CNTNAP4: variants seen among roughly 807,000 people sequenced by gnomAD.
The protein encoded by CNTNAP4 is contactin associated protein family member 4.
Under a neutral mutation model 148.4 loss-of-function variants are expected in CNTNAP4, and 98 were observed. The ratio of observed to expected loss-of-function variants is 0.66; its 90% confidence interval spans 0.56 to 0.78. The LOEUF (loss-of-function observed/expected upper bound fraction) is 0.78, where lower values mean the gene tolerates loss of function less well. Ranked by LOEUF, CNTNAP4 falls within the 30% of genes least tolerant of loss-of-function variation. The pLI, the probability that CNTNAP4 is intolerant of heterozygous loss-of-function variation, is 0.00. For synonymous variants in CNTNAP4, 730 were observed against 565.1 expected, an observed-to-expected ratio of 1.29 and a Z score of -4.14; for missense variants, 1,935 against 1,565.6, an observed-to-expected ratio of 1.24 and a Z score of -3.98.
At chr16:76,328,628 T>C (rs1368734477) in intron 2 of CNTNAP4, among the ~76,000 whole-genome samples, 1 of 152,024 alleles carries the variant, frequency 6.6e-6, no homozygotes, top group Non-Finnish European at 1.5e-5. Context: ...TTGTGACAAA[T>C]GTACCATATG....
intron 3 of CNTNAP4, among the ~76,000 whole-genome samples, chr16:76,366,457 A>G (rs2014147009): frequency 6.6e-6 from 1 of 152,210 alleles, no homozygotes; most frequent in Non-Finnish European, 1.5e-5. Flanking sequence ...CAAAACAGAC[A>G]TAATCTCATT....
chr16:76,463,468 T>C (rs2081058507), intron 9 of CNTNAP4, among the ~76,000 whole-genome samples: 1 of 152,200 alleles, frequency 6.6e-6, no homozygotes, highest in African/African-American at 2.4e-5. Flanking sequence ...TGTAATGTAA[T>C]TTTATAGTAA....
At chr16:76,489,549 A>T in intron 12 of CNTNAP4, 137 bp from the exon 13 acceptor site, 1 of 448,242 alleles carries the variant, frequency 2.2e-6, no homozygotes. Flanking sequence ...ATTTGTGTTG[A>T]TTCTACCTCT....
chr16:76,279,653 A>T (rs1958613468), intron 1 of CNTNAP4, among the ~76,000 whole-genome samples: 1 of 152,186 alleles, frequency 6.6e-6, no homozygotes, highest in Admixed American at 6.5e-5. Context: ...ATTATAAAAA[A>T]CATTTAAAGT....
chr16:76,521,062 A>C (rs2083432322), intron 15 of CNTNAP4, 78 bp from the exon 16 acceptor site: 1 of 1,327,514 alleles, frequency 7.5e-7, no homozygotes, highest in African/African-American at 1.5e-5. Context: ...AAAATAGAAC[A>C]TGTAATTGTC....
At chr16:76,419,361 G>C (rs973331801) in intron 3 of CNTNAP4, among the ~76,000 whole-genome samples, 1 of 151,976 alleles carries the variant, frequency 6.6e-6, no homozygotes, top group Non-Finnish European at 1.5e-5. Context: ...AAAACCCTGA[G>C]CATACTTCAC....
chr16:76,362,808 A>G lies in CNTNAP4; in HGVS notation c.390+7297A>G, dbSNP rs1415219044. ...AAACTACCTGTGAGGTACTATGCTT[A>G]TTACCTAGGTCACAAAATAATCTGT... On this transcript the variant is annotated intron_variant, in intron 3 of 23. Transcript: ENST00000611870. Among the ~76,000 whole-genome samples, 6 of 152,190 alleles carry G rather than the reference A, an allele frequency of 3.9e-5. No individual in the cohort carries two copies. The East Asian group carries it at 1.2e-3, about 29-fold the overall frequency.
intron 21 of CNTNAP4, among the ~76,000 whole-genome samples, chr16:76,545,233 G>T (rs979840194): frequency 1.3e-5 from 2 of 152,076 alleles, no homozygotes; most frequent in East Asian, 1.9e-4. Context: ...TCTTCAGTGC[G>T]TAGCATGACT....
In CNTNAP4 at chr16:76,427,447, T is replaced by C. The variant is rs1243566625; in HGVS notation, c.391-5T>C. The C allele has an allele frequency of 6.2e-7, 1 of 1,601,566 alleles. No homozygotes were observed. Among genetic ancestry groups the C allele is most frequent in the African/African-American group, 1.3e-5 (1 of 74,218 alleles). On this transcript the variant is annotated splice_polypyrimidine_tract_variant and splice_region_variant and intron_variant, in intron 3 of 23. Transcript: ENST00000611870. ...ATTGATGTGCTTCTTTCCCTTTTCT[T>C]TTAGGGTTTTTCAGGAAATGCAAAT...
intron 3 of CNTNAP4, among the ~76,000 whole-genome samples, chr16:76,366,902 ATAT>A (rs1290080686): frequency 2.0e-5 from 3 of 152,300 alleles, no homozygotes; most frequent in African/African-American, 7.2e-5. Context: ...GTAAAAGATA[ATAT>A]TATAAAGCTA....
intron 3 of CNTNAP4, among the ~76,000 whole-genome samples, chr16:76,402,464 CTATCT>C (rs149418649): frequency 0.025 from 3,772 of 151,846 alleles, 141 homozygotes; most frequent in African/African-American, 0.087. Context: ...AGCTAGCAAC[CTATCT>C]TATCAATTTT....
At chr16:76,477,324 C>A (rs143925793) in intron 11 of CNTNAP4, among the ~76,000 whole-genome samples, 2 of 152,116 alleles carry the variant, frequency 1.3e-5, no homozygotes, top group Admixed American at 6.5e-5. Context: ...ATTTCCCCCC[C>A]ATTTTTTCCG....
At chr16:76,350,928 G>A (rs777534178) in intron 2 of CNTNAP4, among the ~76,000 whole-genome samples, 6 of 152,100 alleles carry the variant, frequency 3.9e-5, no homozygotes, top group East Asian at 1.9e-4. Context: ...GAAAGAGGAC[G>A]GTGGAACAGG....
chr16:76,539,690 A>G (rs1309228398), intron 19 of CNTNAP4, 29 bp from the exon 20 acceptor site: 3 of 1,551,110 alleles, frequency 1.9e-6, no homozygotes, highest in Admixed American at 4.4e-5. Context: ...GATTTTTACT[A>G]AAAGAATCAC....
At chr16:76,513,430 G>A (rs376654192) in intron 15 of CNTNAP4, among the ~76,000 whole-genome samples, 44 of 152,252 alleles carry the variant, frequency 2.9e-4, no homozygotes, top group African/African-American at 8.9e-4. Flanking sequence ...ATTACAGCAC[G>A]TGTACTTACC....
Position 76,410,684 on chromosome 16 carries a change from T to C in CNTNAP4, c.391-16768T>C, listed in dbSNP as rs370370138. On this transcript the variant is annotated intron_variant, in intron 3 of 23. Coordinates refer to ENST00000611870, the MANE Select transcript of CNTNAP4 (RefSeq NM_033401.5). ...ATACTCTCTCTTTTGACTTTCTCTA[T>C]AATGAAACTTTAATTATGTGACTAA... Among the ~76,000 whole-genome samples the C allele has an allele frequency of 1.3e-3, 200 of 151,822 alleles. 1 individual carries two copies. Among genetic ancestry groups the C allele is most frequent in the African/African-American group, 4.2e-3 (175 of 41,508 alleles).
chr16:76,351,766 C>T (rs964495855), intron 2 of CNTNAP4, among the ~76,000 whole-genome samples: 2 of 152,172 alleles, frequency 1.3e-5, no homozygotes, highest in Non-Finnish European at 2.9e-5. Context: ...GTGAGCAGCG[C>T]TAGGAAGAGG....
In CNTNAP4 at chr16:76,437,672, G is replaced by C. The variant is rs138371229; in HGVS notation, c.538+10073G>C. On this transcript the variant is annotated intron_variant, in intron 4 of 23. Transcript: ENST00000611870. ...TATTTTGAAAACTAATGAACGAATA[G>C]AGGAAACACGAACCATATCTTAATT... is the stretch of plus-strand genomic sequence containing the variant. Among the ~76,000 whole-genome samples the C allele has an allele frequency of 1.4e-3, 207 of 152,220 alleles. 1 individual carries two copies. The highest frequency in any genetic ancestry group is 4.8e-3 in the African/African-American group (199 of 41,556).
intron 16 of CNTNAP4, 46 bp from the exon 17 acceptor site, chr16:76,521,993 C>T (rs776271748): frequency 3.2e-6 from 5 of 1,562,974 alleles, no homozygotes; most frequent in South Asian, 1.1e-5. Flanking sequence ...CTCGGCACTT[C>T]GCCATAGGAA....
Sources: allele counts gnomAD v4.1 joint callset (sites outside exome capture counted in the v4.1 genomes callset), GRCh38; gene constraint gnomAD v4.1.1; transcripts MANE v1.5; gene names NCBI Gene and HGNC (gene_info 2026-07-23, HGNC 2026-07-21).